CACNA2D3: variants seen among roughly 807,000 people sequenced by gnomAD.
CACNA2D3 encodes voltage-dependent calcium channel subunit alpha-2/delta-3.
In CACNA2D3, 60 loss-of-function variants were observed where a neutral mutation model predicts 160.6. The ratio of observed to expected loss-of-function variants is 0.37; its 90% CI spans 0.30 to 0.46. The LOEUF is 0.46. Among genes scored for constraint, CACNA2D3 ranks in the 20% least tolerant of loss-of-function variants. The probability of loss-of-function intolerance (pLI) is 1.00; values close to 1 mark genes in which losing one functional copy is unlikely to be tolerated. For missense variants in CACNA2D3, 1,205 were observed against 1,365.0 expected, an observed-to-expected ratio of 0.88 and a Z score of 1.85; for synonymous variants, 558 against 492.9, an observed-to-expected ratio of 1.13 and a Z score of -1.75.
chr3:54,629,498 G>C lies in CACNA2D3; in HGVS notation c.1053+1622G>C, dbSNP rs549150591. ...CTGCAGAGGAGAAGAGAAAAATAAGGAGAGAAGGTGCCAAGTCAACTTCCT... is the reference window on the plus strand; with the variant it reads ...CTGCAGAGGAGAAGAGAAAAATAAGCAGAGAAGGTGCCAAGTCAACTTCCT... On this transcript the variant is annotated intron_variant, in intron 10 of 37. Coordinates refer to ENST00000474759, the MANE Select transcript of CACNA2D3 (RefSeq NM_018398.3). Among the ~76,000 whole-genome samples the C allele has an allele frequency of 7.9e-5, 12 of 152,304 alleles. 1 individual carries two copies. In the South Asian group the frequency reaches 2.1e-3, roughly 26 times the overall value.
chr3:54,451,229 C>CTTATT (rs1700301803), intron 4 of CACNA2D3, among the ~76,000 whole-genome samples: 2 of 51,732 alleles, frequency 3.9e-5, no homozygotes, highest in African/African-American at 1.7e-4. Context: ...ATATAATAAT[C>CTTATT]TTTTTTTTTT....
At chr3:54,431,011 A>G (rs776777294) in intron 4 of CACNA2D3, among the ~76,000 whole-genome samples, 30 of 152,292 alleles carry the variant, frequency 2.0e-4, no homozygotes, top group Middle Eastern at 3.4e-3. Context: ...TATTCTTAGA[A>G]TAGATTAGCT....
At chr3:54,571,784 G>C (rs1045321714) in intron 8 of CACNA2D3, among the ~76,000 whole-genome samples, 1 of 152,134 alleles carries the variant, frequency 6.6e-6, no homozygotes, top group Admixed American at 6.5e-5. Context: ...GAGTTGGGCT[G>C]TTTTGAATCC....
At chr3:54,936,390 T>G (rs1027960195) in intron 27 of CACNA2D3, among the ~76,000 whole-genome samples, 1 of 152,154 alleles carries the variant, frequency 6.6e-6, no homozygotes, top group African/African-American at 2.4e-5. Context: ...AAGTGCAATC[T>G]CAGTGAATTT....
chr3:55,067,100 G>GGGGT lies in CACNA2D3; in HGVS notation c.2988-6345_2988-6344insGGGT, dbSNP rs1559478654. ...ATCTTTCCGCTGGCAATCTTTTGTA[G>GGGGT]CGGGGGGGGCTTTTCTCCTCTCAGT... On this transcript the variant is annotated intron_variant, in intron 35 of 37. Transcript: ENST00000474759. Among the ~76,000 whole-genome samples, 188 of 143,592 alleles carry GGGGT rather than the reference G, an allele frequency of 1.3e-3. 1 individual carries two copies. The highest frequency in any genetic ancestry group is 5.0e-3 in the African/African-American group (176 of 35,272). The allele number at this position is 143,592 out of a possible 152,430, so 94.2% of individuals were successfully genotyped here.
At chr3:54,659,418 A>G (rs1432053235) in intron 11 of CACNA2D3, among the ~76,000 whole-genome samples, 1 of 152,168 alleles carries the variant, frequency 6.6e-6, no homozygotes, top group East Asian at 1.9e-4. Flanking sequence ...TCCCTTTTGT[A>G]AGTGAGAAAA....
chr3:54,903,561 G>A (rs1006056898), intron 27 of CACNA2D3, among the ~76,000 whole-genome samples: 12 of 152,078 alleles, frequency 7.9e-5, no homozygotes, highest in East Asian at 3.8e-4. Context: ...ATATTCCTTC[G>A]GGTATATACC....
intron 17 of CACNA2D3, among the ~76,000 whole-genome samples, chr3:54,859,927 C>T (rs1699249975): frequency 6.7e-6 from 1 of 149,296 alleles, no homozygotes; most frequent in Admixed American, 6.7e-5. Flanking sequence ...AGCTGAAGCC[C>T]CACTCTGCAA....
intron 11 of CACNA2D3, among the ~76,000 whole-genome samples, chr3:54,710,072 A>G (rs1700928154): frequency 1.3e-5 from 2 of 152,218 alleles, no homozygotes; most frequent in African/African-American, 4.8e-5. Context: ...CATTTGCTAA[A>G]TATTCATTTG....
intron 5 of CACNA2D3, among the ~76,000 whole-genome samples, chr3:54,542,710 TA>T (rs1702000507): frequency 6.6e-6 from 1 of 151,968 alleles, no homozygotes; most frequent in African/African-American, 2.4e-5. Context: ...GGCGGCTGAT[TA>T]GATGGTGCCA....
At chr3:54,130,856 A>G (rs1188473646) in intron 2 of CACNA2D3, among the ~76,000 whole-genome samples, 1 of 152,250 alleles carries the variant, frequency 6.6e-6, no homozygotes, top group Non-Finnish European at 1.5e-5. Context: ...AACAGCTGAG[A>G]GGGCATAGCC....
intron 5 of CACNA2D3, among the ~76,000 whole-genome samples, chr3:54,525,545 T>C (rs1327474158): frequency 4.6e-5 from 7 of 152,198 alleles, no homozygotes; most frequent in Non-Finnish European, 1.0e-4. Context: ...CTTTATCTGT[T>C]AATATCTTTA....
chr3:54,833,966 A>T (rs914399192), intron 14 of CACNA2D3, among the ~76,000 whole-genome samples: 1 of 152,192 alleles, frequency 6.6e-6, no homozygotes, highest in African/African-American at 2.4e-5. Flanking sequence ...TGCCAGACTG[A>T]ACTGAATGCA....
chr3:54,414,609 A>G (rs550557233), intron 4 of CACNA2D3, among the ~76,000 whole-genome samples: 7 of 152,192 alleles, frequency 4.6e-5, no homozygotes, highest in African/African-American at 1.7e-4. Context: ...AATTGCATGA[A>G]TAATGAACAA....
In CACNA2D3 at chr3:54,827,611, T is replaced by G. The variant is rs144740640; in HGVS notation, c.1399-9548T>G. 7.8e-3 allele frequency among the ~76,000 whole-genome samples: 1,185 copies of G among 152,322 alleles called. 11 individuals carry two copies. The highest frequency in any genetic ancestry group is 0.041 in the South Asian group (199 of 4,816). On this transcript the variant is annotated intron_variant, in intron 14 of 37. Transcript: ENST00000474759. ...TGTGCACCAGCTTCTCAGCACTTCC[T>G]TACAGTCTCAGTCCAACCACATTGA...
chr3:55,007,956 C>T, intron 33 of CACNA2D3, 114 bp downstream of exon 33: 1 of 655,130 alleles, frequency 1.5e-6, no homozygotes, highest in Non-Finnish European at 2.5e-6. Context: ...ATTCCTAGTA[C>T]TCTGAGATAA....
chr3:55,014,270 G>A (rs1435865121), intron 34 of CACNA2D3, among the ~76,000 whole-genome samples: 2 of 152,198 alleles, frequency 1.3e-5, no homozygotes, highest in East Asian at 3.9e-4. Context: ...AGTTAATGAT[G>A]ATTGTGATGA....
At chr3:55,042,099 G>A (rs551034308) in intron 35 of CACNA2D3, among the ~76,000 whole-genome samples, 1 of 152,158 alleles carries the variant, frequency 6.6e-6, no homozygotes, top group East Asian at 1.9e-4. Context: ...TATTCCATGT[G>A]CATTTTAAAA....
intron 11 of CACNA2D3, among the ~76,000 whole-genome samples, chr3:54,709,274 C>T (rs1700912734): frequency 6.6e-6 from 1 of 151,944 alleles, no homozygotes; most frequent in African/African-American, 2.4e-5. Context: ...CTTGGCGTCC[C>T]AAAGTGCTAG....
Sources: gnomAD v4.1 joint callset for allele counts (sites outside exome capture counted in the v4.1 genomes callset) on GRCh38, gnomAD v4.1.1 for gene constraint, MANE v1.5 for transcripts, NCBI Gene and HGNC (gene_info 2026-07-23, HGNC 2026-07-21) for gene names.